The following MGAT4C variants were observed in gnomAD, a reference collection of about 807,000 sequenced individuals.
The protein encoded by MGAT4C is alpha-1,3-mannosyl-glycoprotein 4-beta-N-acetylglucosaminyltransferase C.
Under a neutral mutation model 40.1 loss-of-function variants are expected in MGAT4C, and 19 were observed. The observed-to-expected ratio is 0.47, with a 90% CI of 0.33 to 0.70. The LOEUF is 0.70. Ranked by LOEUF, MGAT4C falls within the 30% of genes least tolerant of loss-of-function variation. MGAT4C has a pLI of 0.02. For synonymous variants in MGAT4C, 181 were observed against 187.1 expected, an observed-to-expected ratio of 0.97 and a Z score of 0.27; for missense variants, 491 against 563.2, an observed-to-expected ratio of 0.87 and a Z score of 1.30.
At chr12:86,508,842 C>T (rs1211957017) in intron 2 of MGAT4C, among the ~76,000 whole-genome samples, 1 of 149,930 alleles carries the variant, frequency 6.7e-6, no homozygotes, top group African/African-American at 2.5e-5. Context: ...TGTTTTTTGG[C>T]TGCATAAATG....
At chr12:86,122,091 T>C (rs1879468019) in intron 1 of MGAT4C, among the ~76,000 whole-genome samples, 1 of 152,190 alleles carries the variant, frequency 6.6e-6, no homozygotes, top group African/African-American at 2.4e-5. Flanking sequence ...CGAGCTGCTA[T>C]AATTATAAAC....
chr12:86,188,513 G>C (rs1056442016), intron 1 of MGAT4C, among the ~76,000 whole-genome samples: 2 of 151,780 alleles, frequency 1.3e-5, no homozygotes, highest in Non-Finnish European at 2.9e-5. Context: ...CTCTAGACAA[G>C]CTGGAAATAG....
At chr12:86,460,702 G>T (rs548721648) in intron 2 of MGAT4C, among the ~76,000 whole-genome samples, 24 of 151,782 alleles carry the variant, frequency 1.6e-4, no homozygotes, top group African/African-American at 5.5e-4. Context: ...ATATATAGCT[G>T]ACTCAAGAGT....
intron 1 of MGAT4C, among the ~76,000 whole-genome samples, chr12:86,793,996 G>A (rs566161065): frequency 2.0e-4 from 31 of 151,894 alleles, no homozygotes; most frequent in African/African-American, 6.5e-4. Context: ...GAATGTTTGG[G>A]TTAATATTTT....
intron 3 of MGAT4C, among the ~76,000 whole-genome samples, chr12:86,414,999 T>C (rs373160290): frequency 2.7e-4 from 41 of 152,224 alleles, no homozygotes; most frequent in African/African-American, 9.9e-4. Context: ...GAAAGATGCA[T>C]CTTGAGTTTC....
chr12:86,420,847 A>T (rs1272478767), intron 3 of MGAT4C, among the ~76,000 whole-genome samples: 1 of 149,498 alleles, frequency 6.7e-6, no homozygotes, highest in African/African-American at 2.4e-5. Flanking sequence ...ACACATATGT[A>T]TATACATATA....
At chr12:86,665,656 C>A (rs1180668022) in intron 2 of MGAT4C, among the ~76,000 whole-genome samples, 1 of 152,116 alleles carries the variant, frequency 6.6e-6, no homozygotes, top group Admixed American at 6.5e-5. Flanking sequence ...CAGGCGTGAG[C>A]CACCGCTCCC....
chr12:86,059,041 T>A (rs1448555687), intron 1 of MGAT4C, among the ~76,000 whole-genome samples: 1 of 152,174 alleles, frequency 6.6e-6, no homozygotes, highest in African/African-American at 2.4e-5. Context: ...TTTTGCTTTT[T>A]ATTTGTTTTG....
Position 86,441,584 on chromosome 12 carries a change from G to A in MGAT4C, c.-228-6319C>T, listed in dbSNP as rs28809823. ...CATTGTTCAATTCACACCTATGAGT[G>A]AGAACATGCAGTGTTTGGTTTTTTG... On this transcript the variant is annotated intron_variant, in intron 2 of 7. Transcript: ENST00000548651. Among the ~76,000 whole-genome samples, 486 of 145,636 alleles carry A rather than the reference G, an allele frequency of 3.3e-3. 2 individuals carry two copies. The highest frequency in any genetic ancestry group is 0.012 in the African/African-American group (473 of 39,052).
intron 1 of MGAT4C, among the ~76,000 whole-genome samples, chr12:86,815,911 C>T (rs1593234379): frequency 6.6e-6 from 1 of 151,588 alleles, no homozygotes. Flanking sequence ...ACTCCTTAGG[C>T]GATGGGTGCA....
chr12:86,270,804 G>A (rs1010658653), intron 4 of MGAT4C, among the ~76,000 whole-genome samples: 10 of 152,020 alleles, frequency 6.6e-5, no homozygotes, highest in African/African-American at 2.4e-4. Flanking sequence ...TAAACGACAT[G>A]GTATTGGTAA....
chr12:86,810,074 TAC>T (rs1254907058), intron 1 of MGAT4C, among the ~76,000 whole-genome samples: 2 of 152,036 alleles, frequency 1.3e-5, no homozygotes. Context: ...TAAAAATCCA[TAC>T]AGAGTCTTTT....
At chr12:86,237,283 T>A (rs73387532) in intron 1 of MGAT4C, among the ~76,000 whole-genome samples, 1 of 151,770 alleles carries the variant, frequency 6.6e-6, no homozygotes, top group South Asian at 2.1e-4. Flanking sequence ...ACTAGCAGTG[T>A]GACTTTCCTA....
chr12:86,455,533 A>G (rs1679891473), intron 2 of MGAT4C, among the ~76,000 whole-genome samples: 1 of 152,166 alleles, frequency 6.6e-6, no homozygotes, highest in African/African-American at 2.4e-5. Context: ...CTTTCTTCAC[A>G]GAGCCAATGA....
At chr12:86,828,240 CTT>C (rs1460731623) in intron 1 of MGAT4C, among the ~76,000 whole-genome samples, 1 of 150,472 alleles carries the variant, frequency 6.6e-6, no homozygotes, top group African/African-American at 2.4e-5. Context: ...GAGAAAATAA[CTT>C]TTTCATGTAA....
At chr12:85,989,057 T>G (rs541862041) in intron 3 of MGAT4C, among the ~76,000 whole-genome samples, 1 of 152,134 alleles carries the variant, frequency 6.6e-6, no homozygotes, top group South Asian at 2.1e-4. Context: ...AGTTATACTT[T>G]CTAAGCAGAT....
rs5799763 is a variant in MGAT4C, at chr12:85,957,657, C to CAAAAAAAAAAAAAAAAAAAGA, written c.*21631_*21632insTCTTTTTTTTTTTTTTTTTTT. The CAAAAAAAAAAAAAAAAAAAGA allele has an allele frequency of 3.9e-5, 4 of 101,274 alleles. No homozygotes were observed. Among genetic ancestry groups the CAAAAAAAAAAAAAAAAAAAGA allele is most frequent in the Non-Finnish European group, 5.7e-5 (3 of 52,716 alleles). The allele number at this position is 101,274 out of a possible 1,614,324, so 6.3% of individuals were successfully genotyped here. Reference sequence around the variant, plus strand: ...TTTACTGTAGAGTTGAATAAGAAAGCAAAAAAAAAAAAAAAAGAAAAAAGA... The same window carrying CAAAAAAAAAAAAAAAAAAAGA: ...TTTACTGTAGAGTTGAATAAGAAAGCAAAAAAAAAAAAAAAAAAAGAAAAAAAAAAAAAAAAAGAAAAAAGA... On this transcript the variant is annotated 3_prime_UTR_variant, in exon 5 of 5. Coordinates refer to ENST00000611864, the MANE Select transcript of MGAT4C (RefSeq NM_001351288.2).
At chr12:86,692,111 G>A (rs1215889899) in intron 2 of MGAT4C, among the ~76,000 whole-genome samples, 1 of 152,036 alleles carries the variant, frequency 6.6e-6, no homozygotes, top group Non-Finnish European at 1.5e-5. Context: ...TGGAAATGCA[G>A]AAAAGATTAT....
At chr12:85,982,904 A>T (rs1166938835) in intron 4 of MGAT4C, among the ~76,000 whole-genome samples, 1 of 152,194 alleles carries the variant, frequency 6.6e-6, no homozygotes, top group Non-Finnish European at 1.5e-5. Context: ...TTGATGATGG[A>T]GGCAGGAATT....
Sources: allele counts gnomAD v4.1 joint callset (sites outside exome capture counted in the v4.1 genomes callset), GRCh38; gene constraint gnomAD v4.1.1; transcripts MANE v1.5; gene names NCBI Gene and HGNC (gene_info 2026-07-23, HGNC 2026-07-21).